Variants in MAP3K13 observed in about 807,000 individuals in gnomAD.
MAP3K13 encodes mitogen-activated protein kinase kinase kinase 13.
Under a neutral mutation model 104.0 loss-of-function variants are expected in MAP3K13, and 52 were observed. The ratio of observed to expected loss-of-function variants is 0.50; its 90% confidence interval spans 0.40 to 0.63. The LOEUF (loss-of-function observed/expected upper bound fraction) is 0.63, where lower values mean the gene tolerates loss of function less well. Among genes scored for constraint, MAP3K13 ranks in the 20% least tolerant of loss-of-function variants. The probability of loss-of-function intolerance (pLI) is 0.00; values close to 1 mark genes in which losing one functional copy is unlikely to be tolerated. For synonymous variants in MAP3K13, 394 were observed against 442.2 expected (o/e 0.89, Z 1.37); for missense variants, 914 against 1,218.5 (o/e 0.75, Z 3.72).
At position 185,451,470 on chromosome 3, in the gene MAP3K13, A is replaced by C. The variant is rs748632729; in HGVS notation, c.1278+75A>C. ...TCAATGAAACAGAGTAACTCTTAGAAGGGCCCATTGTGTTTGTTATAATAG... is the reference window on the plus strand; with the variant it reads ...TCAATGAAACAGAGTAACTCTTAGACGGGCCCATTGTGTTTGTTATAATAG... On this transcript the variant is annotated intron_variant, in intron 7 of 13. Coordinates refer to ENST00000265026, the MANE Select transcript of MAP3K13 (RefSeq NM_004721.5). The C allele has an allele frequency of 4.2e-6, 4 of 949,256 alleles. No homozygotes were observed. In the African/African-American group the frequency reaches 4.8e-5, roughly 11 times the overall value. 58.8% of individuals were successfully genotyped at this position (949,256 alleles called of 1,614,324 possible).
At chr3:185,314,359 T>C (rs1721601262) in intron 2 of MAP3K13, among the ~76,000 whole-genome samples, 1 of 152,236 alleles carries the variant, frequency 6.6e-6, no homozygotes, top group Non-Finnish European at 1.5e-5. Flanking sequence ...CTCACGCCTG[T>C]AATCCTAGCA....
intron 5 of MAP3K13, 153 bp downstream of exon 5, chr3:185,448,100 C>A: frequency 1.1e-6 from 1 of 883,202 alleles, no homozygotes; most frequent in African/African-American, 1.6e-5. Context: ...AGGTACTTCC[C>A]AGTATGGTGA....
chr3:185,331,242 C>A (rs576834270), intron 2 of MAP3K13, among the ~76,000 whole-genome samples: 1 of 151,744 alleles, frequency 6.6e-6, no homozygotes, highest in African/African-American at 2.4e-5. Flanking sequence ...TACAGACATG[C>A]GCCACCATGC....
intron 4 of MAP3K13, among the ~76,000 whole-genome samples, chr3:185,446,836 G>A (rs997860541): frequency 2.0e-5 from 3 of 152,142 alleles, no homozygotes; most frequent in Non-Finnish European, 2.9e-5. Flanking sequence ...CAGCAAGGAT[G>A]GAAACCAATA....
upstream of MAP3K13, among the ~76,000 whole-genome samples, chr3:185,361,124 A>G (rs569450563): frequency 3.5e-5 from 5 of 144,912 alleles, no homozygotes; most frequent in African/African-American, 1.3e-4. Context: ...GTGTGTGTGT[A>G]TACACACATA....
chr3:185,455,034 TATG>T lies in MAP3K13; in HGVS notation c.1278+3642_1278+3644del, dbSNP rs1192402357. ...ATATATATGATATATATGAGATATA[TATG>T]ATATATATATGAGATATATGTGAGA... On this transcript the variant is annotated intron_variant, in intron 7 of 13. Transcript: ENST00000265026. 4.3e-5 allele frequency among the ~76,000 whole-genome samples: 5 copies of T among 115,588 alleles called. 1 individual carries two copies. The South Asian group carries it at 1.4e-3, about 32-fold the overall frequency. 75.8% of individuals were successfully genotyped at this position (115,588 alleles called of 152,430 possible). A position where few individuals can be genotyped will look rare whatever the true frequency, so the allele number is the denominator to read the frequency against.
chr3:185,354,324 T>C (rs756626630), intron 2 of MAP3K13, among the ~76,000 whole-genome samples: 33 of 150,046 alleles, frequency 2.2e-4, no homozygotes, highest in Non-Finnish European at 4.6e-4. Flanking sequence ...GCCTAACCTG[T>C]AGGCTTCAAA....
chr3:185,456,762 C>T (rs563839690), intron 7 of MAP3K13, among the ~76,000 whole-genome samples: 17 of 151,964 alleles, frequency 1.1e-4, no homozygotes, highest in African/African-American at 3.6e-4. Context: ...CCACCACACT[C>T]GGTTAATTTT....
chr3:185,351,288 C>A (rs1192667110), intron 2 of MAP3K13, among the ~76,000 whole-genome samples: 2 of 152,148 alleles, frequency 1.3e-5, no homozygotes, highest in East Asian at 3.8e-4. Flanking sequence ...GTACACTGAA[C>A]CCCCATGACA....
intron 1 of MAP3K13, among the ~76,000 whole-genome samples, chr3:185,363,933 A>G (rs1009996341): frequency 6.6e-6 from 1 of 152,306 alleles, no homozygotes; most frequent in African/African-American, 2.4e-5. Context: ...TGGTGTATTT[A>G]TATATATTCA....
intron 4 of MAP3K13, 113 bp from the exon 5 acceptor site, chr3:185,447,676 T>C: frequency 1.3e-6 from 1 of 768,636 alleles, no homozygotes; most frequent in Non-Finnish European, 2.1e-6. Flanking sequence ...AACTGCAAGC[T>C]GAATGCTACA....
At chr3:185,420,345 G>A (rs1224128976) in intron 1 of MAP3K13, among the ~76,000 whole-genome samples, 1 of 152,206 alleles carries the variant, frequency 6.6e-6, no homozygotes, top group Non-Finnish European at 1.5e-5. Context: ...ATTCGAAGAA[G>A]CTAGCTAATG....
At chr3:185,479,901 G>A (rs1252511970) in intron 12 of MAP3K13, among the ~76,000 whole-genome samples, 1 of 152,180 alleles carries the variant, frequency 6.6e-6, no homozygotes, top group Non-Finnish European at 1.5e-5. Context: ...GGAATGGAGA[G>A]AATCTCTTCC....
intron 7 of MAP3K13, among the ~76,000 whole-genome samples, chr3:185,454,615 T>TATATAG (rs1369840480): frequency 0.55 from 24,634 of 44,468 alleles, 8,615 homozygotes; most frequent in Non-Finnish European, 0.73. Flanking sequence ...ATATATATGA[T>TATATAG]ATATATATGA....
chr3:185,413,778 T>A (rs551670320), intron 1 of MAP3K13, among the ~76,000 whole-genome samples: 6 of 152,244 alleles, frequency 3.9e-5, no homozygotes, highest in Middle Eastern at 3.4e-3. Flanking sequence ...GCTGAGATTG[T>A]GCCACTGCAC....
chr3:185,460,918 G>A (rs1171088811), intron 7 of MAP3K13, among the ~76,000 whole-genome samples: 1 of 152,198 alleles, frequency 6.6e-6, no homozygotes, highest in East Asian at 1.9e-4. Flanking sequence ...CCACCAGAGG[G>A]AGGTACTCCT....
chr3:185,467,781 C>CAAA, intron 10 of MAP3K13, among the ~76,000 whole-genome samples: 1 of 58,242 alleles, frequency 1.7e-5, no homozygotes, highest in Non-Finnish European at 3.7e-5. Flanking sequence ...GACTCTGTCT[C>CAAA]AAAAAAAAAA....
In MAP3K13 at chr3:185,408,063, C is replaced by T. The variant is rs1010105952; in HGVS notation, c.-85-20434C>T. Among the ~76,000 whole-genome samples the T allele has an allele frequency of 5.3e-5, 8 of 151,424 alleles. No homozygotes were observed. In the South Asian group the frequency reaches 1.3e-3, roughly 24 times the overall value. On this transcript the variant is annotated intron_variant, in intron 1 of 13. Coordinates refer to ENST00000265026, the MANE Select transcript of MAP3K13 (RefSeq NM_004721.5). ...TTCTGCCTTACTTTTATCTTAGTAGCGTCTGGCATGGGCAGAGCAGAGATA... is the reference window on the plus strand; with the variant it reads ...TTCTGCCTTACTTTTATCTTAGTAGTGTCTGGCATGGGCAGAGCAGAGATA...
chr3:185,283,668 A>T (rs1320540914), intron 1 of MAP3K13, among the ~76,000 whole-genome samples: 1 of 152,028 alleles, frequency 6.6e-6, no homozygotes, highest in African/African-American at 2.4e-5. Flanking sequence ...TTTGTTTTTT[A>T]TGGTTATTGA....
Sources: allele counts gnomAD v4.1 joint callset (sites outside exome capture counted in the v4.1 genomes callset), GRCh38; gene constraint gnomAD v4.1.1; transcripts MANE v1.5; gene names NCBI Gene and HGNC (gene_info 2026-07-23, HGNC 2026-07-21).